LRRC59: variants seen among roughly 807,000 people sequenced by gnomAD.
The protein encoded by LRRC59 is leucine rich repeat containing 59, also known as leucine-rich repeat-containing protein 59.
Under a neutral mutation model 33.5 loss-of-function variants are expected in LRRC59, and 18 were observed. That is an observed-to-expected ratio of 0.54 (90% CI 0.37 to 0.80). The LOEUF is 0.80. Among genes scored for constraint, LRRC59 ranks in the 30% least tolerant of loss-of-function variants. The probability of loss-of-function intolerance (pLI) is 0.00; values close to 1 mark genes in which losing one functional copy is unlikely to be tolerated. For synonymous variants in LRRC59, 138 were observed against 160.0 expected (o/e 0.86, Z 1.04); for missense variants, 330 against 391.9 (o/e 0.84, Z 1.33).
At position 50,395,027 on chromosome 17, in the gene LRRC59, A is replaced by G. The variant is rs189657607; in HGVS notation, c.106-39T>C. The G allele has an allele frequency of 3.8e-5, 52 of 1,378,786 alleles. No individual in the cohort carries two copies. The East Asian group carries it at 1.1e-3, about 29-fold the overall frequency. The allele number at this position is 1,378,786 out of a possible 1,614,324, so 85.4% of individuals were successfully genotyped here. A position where few individuals can be genotyped will look rare whatever the true frequency, so the allele number is the denominator to read the frequency against. On this transcript the variant is annotated intron_variant, in intron 1 of 6. Transcript: ENST00000225972. ...GATGAGAAAAACATGTCAGACCAAC[A>G]TCTGGAACAATTCACTGACATATGT...
rs956873911 is a variant in LRRC59, at chr17:50,382,389, G to C, written c.*599C>G. ...CTGGGAGACTAGGCAAGTCATGGAAGACCTCAGTTTCTCTGTCTGCAAGTG... is the reference window on the plus strand; with the variant it reads ...CTGGGAGACTAGGCAAGTCATGGAACACCTCAGTTTCTCTGTCTGCAAGTG... On this transcript the variant is annotated 3_prime_UTR_variant, in exon 7 of 7. Coordinates refer to ENST00000225972, the MANE Select transcript of LRRC59 (RefSeq NM_018509.4). 1 of 152,480 alleles carries C rather than the reference G, an allele frequency of 6.6e-6. No individual in the cohort carries two copies. The highest frequency in any genetic ancestry group is 2.4e-5 in the African/African-American group (1 of 41,444). 9.4% of individuals were successfully genotyped at this position (152,480 alleles called of 1,614,324 possible). A position where few individuals can be genotyped will look rare whatever the true frequency, so the allele number is the denominator to read the frequency against.
In LRRC59 at chr17:50,383,073, A is replaced by G; in HGVS notation, c.839T>C (p.Val280Ala). The G allele has an allele frequency of 1.2e-6, 2 of 1,611,806 alleles. No individual in the cohort carries two copies. The highest frequency in any genetic ancestry group is 1.7e-6 in the Non-Finnish European group (2 of 1,179,790). Reference protein sequence around the residue: ...ELQQQPLCTSVNTIYDNAVQG... With the variant: ...ELQQQPLCTSANTIYDNAVQG... ...GACCGCATTGTCATAGATGGTGTTCACGCTGGTGCAGAGGGGCTGCTGCTG... is the reference window on the plus strand; with the variant it reads ...GACCGCATTGTCATAGATGGTGTTCGCGCTGGTGCAGAGGGGCTGCTGCTG... The change falls in exon 7 of 7, where the codon GTG (valine) becomes GCG (alanine). Residue 280 changes from valine to alanine, a missense_variant. Val to Ala is a moderately conservative substitution (Grantham distance 64, BLOSUM62 0). Transcript: ENST00000225972.
chr17:50,393,146 C>G (rs550319695), intron 2 of LRRC59, among the ~76,000 whole-genome samples: 1 of 152,282 alleles, frequency 6.6e-6, no homozygotes, highest in South Asian at 2.1e-4. Context: ...GTGTAACAGT[C>G]TGGAAGCCCT....
At chr17:50,389,988 C>T (rs533979856) in intron 4 of LRRC59, among the ~76,000 whole-genome samples, 24 of 151,758 alleles carry the variant, frequency 1.6e-4, no homozygotes, top group African/African-American at 5.3e-4. Flanking sequence ...ATCCCAGCTA[C>T]TCAGGAGGCT....
intron 4 of LRRC59, among the ~76,000 whole-genome samples, chr17:50,392,036 T>C (rs1335457840): frequency 6.6e-6 from 1 of 152,008 alleles, no homozygotes; most frequent in Non-Finnish European, 1.5e-5. Flanking sequence ...CCATCTCCAC[T>C]AAAAAATACA....
intron 1 of LRRC59, chr17:50,396,472 A>T (rs1381037449): frequency 1.3e-5 from 2 of 152,282 alleles, no homozygotes; most frequent in Non-Finnish European, 2.9e-5. Context: ...GTAATTTATC[A>T]ACGGCAGAAA....
intron 5 of LRRC59, among the ~76,000 whole-genome samples, chr17:50,385,627 T>C (rs923258017): frequency 6.6e-6 from 1 of 152,216 alleles, no homozygotes; most frequent in African/African-American, 2.4e-5. Flanking sequence ...GCATAGCAAC[T>C]GATTGCCTTC....
chr17:50,394,860 CAA>C, intron 2 of LRRC59, 67 bp downstream of exon 2: 2 of 1,085,404 alleles, frequency 1.8e-6, no homozygotes, highest in Non-Finnish European at 2.7e-6. Context: ...ACCCCCCTCT[CAA>C]CCCCCGAAAC....
At chr17:50,390,111 A>AG (rs1163405477) in intron 4 of LRRC59, among the ~76,000 whole-genome samples, 2 of 150,108 alleles carry the variant, frequency 1.3e-5, no homozygotes, top group Non-Finnish European at 3.0e-5. Flanking sequence ...AAAAAAAAAA[A>AG]AAAAAGAAAA....
At position 50,392,740 on chromosome 17, in the gene LRRC59, T is replaced by C. The variant is rs1352435840; in HGVS notation, c.323A>G (p.Lys108Arg). The C allele has an allele frequency of 1.2e-6, 2 of 1,614,006 alleles. No homozygotes were observed. The highest frequency in any genetic ancestry group is 1.7e-5 in the Admixed American group (1 of 60,018). The change falls in exon 3 of 7, where the codon AAG (lysine) becomes AGG (arginine). Residue 108 changes from lysine to arginine, a missense_variant and splice_region_variant. Lys to Arg is a conservative substitution (Grantham distance 26). Transcript: ENST00000225972. The part of the protein sequence containing the change: ...VTLPVSFAQL[K>R]NLKWLDLKDN... ...AAACACTGGTTCATGAATTGTTACC[T>C]TGAGCTGAGCAAAGCTGACAGGCAA...
rs1229983743 is a variant in LRRC59 at position 50,392,871 on chromosome 17, C to A, written c.192G>T (p.Leu64=). 2 of 1,613,732 alleles carry A rather than the reference C, an allele frequency of 1.2e-6. No individual in the cohort carries two copies. The highest frequency in any genetic ancestry group is 1.7e-6 in the Non-Finnish European group (2 of 1,179,772). The change falls in exon 3 of 7, where the codon CTG becomes CTT. Residue 64 remains leucine (L), a synonymous_variant. Transcript: ENST00000225972. ...TGTTCTTACTCAGGTCTAGCTTCAC[C>A]AGGTGTGTGAGGCCACAGAAATCCG... The part of the protein sequence containing the change: ...LPSDFCGLTH[L]VKLDLSKNKL...
chr17:50,387,499 T>C (rs1056270536), intron 5 of LRRC59, among the ~76,000 whole-genome samples: 1 of 152,176 alleles, frequency 6.6e-6, no homozygotes, highest in African/African-American at 2.4e-5. Flanking sequence ...TAATTATTTA[T>C]GTTGTAAAAA....
chr17:50,385,882 AGACT>A (rs1298521391), intron 5 of LRRC59, among the ~76,000 whole-genome samples: 2 of 152,096 alleles, frequency 1.3e-5, no homozygotes, highest in Non-Finnish European at 2.9e-5. Context: ...CAACATAGCA[AGACT>A]GTCTATAAAA....
Position 50,395,739 on chromosome 17 carries a change from C to A in LRRC59, c.106-751G>T, listed in dbSNP as rs1472200361. On this transcript the variant is annotated intron_variant, in intron 1 of 6. Transcript: ENST00000225972. The stretch of plus-strand genomic sequence containing the variant: ...GACCAGCCTGACCAACACGGAGAAA[C>A]CCTGTCTCTACTAAAAATAGAAAAT... Among the ~76,000 whole-genome samples, 3 of 152,152 alleles carry A rather than the reference C, an allele frequency of 2.0e-5. No individual in the cohort carries two copies. The East Asian group carries it at 5.8e-4, about 29-fold the overall frequency.
rs776268056 is a variant in LRRC59 at position 50,383,332 on chromosome 17, T to C, written c.677-97A>G. Reference sequence around the variant, plus strand: ...TCTCCTCCGTGCAGATCTACCTACATTCCTTCCTCAAGCAAAAACTCCCCA... The same window carrying C: ...TCTCCTCCGTGCAGATCTACCTACACTCCTTCCTCAAGCAAAAACTCCCCA... On this transcript the variant is annotated intron_variant, in intron 6 of 6. Coordinates refer to ENST00000225972, the MANE Select transcript of LRRC59 (RefSeq NM_018509.4). The C allele has an allele frequency of 2.1e-5, 29 of 1,412,590 alleles. 1 individual carries two copies. Among genetic ancestry groups the C allele is most frequent in the Admixed American group, 2.7e-5 (1 of 37,244 alleles). 87.5% of individuals were successfully genotyped at this position (1,412,590 alleles called of 1,614,324 possible). A position where few individuals can be genotyped will look rare whatever the true frequency, so the allele number is the denominator to read the frequency against.
intron 2 of LRRC59, 118 bp from the exon 3 acceptor site, chr17:50,393,015 C>T (rs1280947293): frequency 8.4e-6 from 8 of 955,728 alleles, no homozygotes; most frequent in Middle Eastern, 2.7e-4. Context: ...ATTTTTTTTC[C>T]TTTTTCAGCT....
intron 3 of LRRC59, 107 bp from the exon 4 acceptor site, chr17:50,392,609 C>A: frequency 6.9e-7 from 1 of 1,457,576 alleles, no homozygotes; most frequent in South Asian, 1.2e-5. Context: ...CTGTGTTCCA[C>A]ATATAGGGAG....
intron 4 of LRRC59, among the ~76,000 whole-genome samples, chr17:50,390,392 T>C (rs939609840): frequency 6.6e-6 from 1 of 151,520 alleles, no homozygotes; most frequent in African/African-American, 2.4e-5. Context: ...CTTGGGAAGC[T>C]GAGGTGGGAG....
intron 4 of LRRC59, among the ~76,000 whole-genome samples, 194 bp from the exon 5 acceptor site, chr17:50,388,326 C>T (rs1011395193): frequency 1.4e-4 from 21 of 152,132 alleles, no homozygotes; most frequent in African/African-American, 4.8e-4. Flanking sequence ...ACTGCTTGAG[C>T]CCAGGAGTTC....
Sources: allele counts gnomAD v4.1 joint callset (sites outside exome capture counted in the v4.1 genomes callset), GRCh38; gene constraint gnomAD v4.1.1; transcripts MANE v1.5; gene names NCBI Gene and HGNC (gene_info 2026-07-23, HGNC 2026-07-21).